Variants in ACTN1 observed in about 807,000 individuals in gnomAD.
ACTN1 encodes the protein actinin alpha 1.
In ACTN1, 30 loss-of-function variants were observed where a neutral mutation model predicts 119.6. That is an observed-to-expected ratio of 0.25 (90% confidence interval 0.19 to 0.34). The LOEUF is 0.34. ACTN1 is among the 10% of genes least tolerant of loss of function. ACTN1 has a pLI of 1.00. For synonymous variants in ACTN1, 429 were observed against 472.6 expected, an observed-to-expected ratio of 0.91 and a Z score of 1.20; for missense variants, 764 against 1,223.4, an observed-to-expected ratio of 0.62 and a Z score of 5.60.
intron 1 of ACTN1, among the ~76,000 whole-genome samples, chr14:68,954,182 T>A (rs1206541996): frequency 6.6e-6 from 1 of 152,190 alleles, no homozygotes. Flanking sequence ...TCTTCCTAAT[T>A]ATCATTTTTA....
chr14:68,918,246 G>A (rs1016001924), intron 3 of ACTN1, among the ~76,000 whole-genome samples: 20 of 152,154 alleles, frequency 1.3e-4, no homozygotes, highest in African/African-American at 4.6e-4. Flanking sequence ...AGCATGGCAG[G>A]GGCAGGCTTG....
intron 1 of ACTN1, among the ~76,000 whole-genome samples, chr14:68,976,604 G>C (rs966270983): frequency 6.6e-6 from 1 of 152,212 alleles, no homozygotes; most frequent in Non-Finnish European, 1.5e-5. Context: ...CCCAAAGCAC[G>C]TGTCGGCTCT....
At chr14:68,954,314 G>T (rs939347407) in intron 1 of ACTN1, among the ~76,000 whole-genome samples, 2 of 150,688 alleles carry the variant, frequency 1.3e-5, no homozygotes, top group Non-Finnish European at 3.0e-5. Context: ...TACACACAGA[G>T]AATTTATTTA....
chr14:68,944,701 G>A (rs1001788921), intron 1 of ACTN1, among the ~76,000 whole-genome samples: 13 of 152,106 alleles, frequency 8.5e-5, no homozygotes, highest in Non-Finnish European at 1.8e-4. Context: ...CTGCCCCAAG[G>A]GAGTCAGTGA....
chr14:68,875,117 T>C (rs775561996), intron 21 of ACTN1, 100 bp from the exon 22 acceptor site: 5 of 1,560,290 alleles, frequency 3.2e-6, no homozygotes, highest in Middle Eastern at 1.7e-4. Context: ...AGGCAGCATG[T>C]GCCGTTTGCA....
Position 68,977,472 on chromosome 14 carries a change from T to C in ACTN1, c.105+1480A>G, listed in dbSNP as rs1487934158. Reference sequence around the variant, plus strand: ...GGGACCTTCCCATGTCCGATGTAGATGACCGATGTCGCTGTATAGGGCCCA... The same window carrying C: ...GGGACCTTCCCATGTCCGATGTAGACGACCGATGTCGCTGTATAGGGCCCA... On this transcript the variant is annotated intron_variant, in intron 1 of 21. Transcript: ENST00000394419. The C allele has an allele frequency of 1.9e-5, 3 of 155,940 alleles. No homozygotes were observed. The East Asian group carries it at 5.8e-4, about 30-fold the overall frequency. The allele number at this position is 155,940 out of a possible 1,614,324, so 9.7% of individuals were successfully genotyped here. A position where few individuals can be genotyped will look rare whatever the true frequency, so the allele number is the denominator to read the frequency against.
At chr14:68,978,407 G>A (rs2037145234) in intron 1 of ACTN1, 1 of 352,246 alleles carries the variant, frequency 2.8e-6, no homozygotes, top group East Asian at 8.2e-5. Flanking sequence ...TCTCCAGGCA[G>A]ATCCGGAGGC....
At chr14:68,918,740 AAAAAG>A (rs766942081) in intron 3 of ACTN1, among the ~76,000 whole-genome samples, 23 of 152,058 alleles carry the variant, frequency 1.5e-4, no homozygotes, top group Non-Finnish European at 7.4e-5. Flanking sequence ...CTAAAAAAAA[AAAAAG>A]AAAAGAAAGT....
chr14:68,955,624 G>A (rs900731754), intron 1 of ACTN1, among the ~76,000 whole-genome samples: 3 of 152,188 alleles, frequency 2.0e-5, no homozygotes, highest in Non-Finnish European at 4.4e-5. Context: ...GTTTGCGCTC[G>A]GTGGCAGGGG....
intron 1 of ACTN1, among the ~76,000 whole-genome samples, chr14:68,957,310 G>A (rs541192965): frequency 6.2e-4 from 95 of 152,286 alleles, no homozygotes; most frequent in African/African-American, 2.2e-3. Context: ...TCCCCCAAGA[G>A]ACACCTGTGA....
Position 68,925,596 on chromosome 14 carries a change from T to G in ACTN1, c.182A>C (p.Asp61Ala). The G allele has an allele frequency of 6.2e-7, 1 of 1,613,456 alleles. No homozygotes were observed. The highest frequency in any genetic ancestry group is 8.5e-7 in the Non-Finnish European group (1 of 1,179,716). The change falls in exon 2 of 22, where the codon GAT (aspartate) becomes GCT (alanine). Residue 61 changes from aspartate (D) to alanine (A), a missense_variant. By Grantham distance (126) the Asp-to-Ala change is moderately radical (BLOSUM62 -2). Coordinates refer to ENST00000394419, the MANE Select transcript of ACTN1 (RefSeq NM_001130004.2). This position sits in a 1 kb window ranked among gnomAD's most constrained non-coding sequence, Gnocchi z 4.3. ...QIENIEEDFR[D>A]GLKLMLLLEV... ...CAGCAGCAGCATGAGCTTCAGGCCA[T>G]CCCGGAAGTCCTCTTCGATGTTCTC...
intron 1 of ACTN1, among the ~76,000 whole-genome samples, chr14:68,937,376 G>A (rs1566657133): frequency 6.6e-6 from 1 of 151,980 alleles, no homozygotes; most frequent in Non-Finnish European, 1.5e-5. Flanking sequence ...GTATTATGGA[G>A]GAGGAAAAAG....
intron 10 of ACTN1, among the ~76,000 whole-genome samples, chr14:68,891,116 T>C (rs2032441693): frequency 6.6e-6 from 1 of 152,210 alleles, no homozygotes; most frequent in Admixed American, 6.5e-5. Flanking sequence ...CATGACCCCC[T>C]GGGCTGCCGT....
chr14:68,885,764 G>A lies in ACTN1; in HGVS notation c.1235-189C>T. The stretch of plus-strand genomic sequence containing the variant: ...GAACATCCACCAACCGGCGCAACGG[G>A]GAAAAGCACTCTCCTCAGAGCACTT... On this transcript the variant is annotated intron_variant, in intron 11 of 21. Transcript: ENST00000394419. The surrounding 1 kb of genome is among the most constrained non-coding windows in gnomAD (Gnocchi z 5.6). 7 of 637,852 alleles carry A rather than the reference G, an allele frequency of 1.1e-5. No individual in the cohort carries two copies. Among genetic ancestry groups the A allele is most frequent in the Non-Finnish European group, 1.9e-5 (7 of 373,252 alleles). The allele number at this position is 637,852 out of a possible 1,614,324, so 39.5% of individuals were successfully genotyped here.
At chr14:68,881,612 C>T (rs1257605141) in intron 16 of ACTN1, among the ~76,000 whole-genome samples, 1 of 152,174 alleles carries the variant, frequency 6.6e-6, no homozygotes, top group Non-Finnish European at 1.5e-5. Context: ...GGCAGGGGTG[C>T]AGGGGAGCGA....
intron 1 of ACTN1, among the ~76,000 whole-genome samples, chr14:68,944,352 G>A (rs1416078246): frequency 1.3e-5 from 2 of 152,204 alleles, no homozygotes; most frequent in Non-Finnish European, 2.9e-5. Flanking sequence ...CCTCCCTCAC[G>A]CAGGCCACTG....
intron 1 of ACTN1, among the ~76,000 whole-genome samples, chr14:68,967,096 T>G (rs1348685403): frequency 5.3e-5 from 8 of 152,200 alleles, no homozygotes. Context: ...GCTGAGGTCA[T>G]CCTAGGCTAT....
chr14:68,979,171 G>C lies in ACTN1; in HGVS notation c.-115C>G. On this transcript the variant is annotated 5_prime_UTR_variant, in exon 1 of 22. Coordinates refer to ENST00000394419, the MANE Select transcript of ACTN1 (RefSeq NM_001130004.2). The stretch of plus-strand genomic sequence containing the variant: ...TGGGCTGGGCTGGGCTGGCGGGGCC[G>C]GGCTCGCTCCCCTGCGCCCGGTTCC... The C allele has an allele frequency of 1.6e-6, 1 of 616,654 alleles. No individual in the cohort carries two copies. Among genetic ancestry groups the C allele is most frequent in the East Asian group, 3.7e-5 (1 of 26,942 alleles). The allele number at this position is 616,654 out of a possible 1,614,324, so 38.2% of individuals were successfully genotyped here. A position where few individuals can be genotyped will look rare whatever the true frequency, so the allele number is the denominator to read the frequency against.
chr14:68,903,671 G>C (rs2033488458), intron 7 of ACTN1, among the ~76,000 whole-genome samples: 1 of 152,194 alleles, frequency 6.6e-6, no homozygotes, highest in Admixed American at 6.5e-5. Context: ...AGCACACAGG[G>C]AAGGGGCTGT....
Sources: allele counts gnomAD v4.1 joint callset (sites outside exome capture counted in the v4.1 genomes callset), GRCh38; gene constraint gnomAD v4.1.1; non-coding constraint Gnocchi (gnomAD v3.1); transcripts MANE v1.5; gene names NCBI Gene and HGNC (gene_info 2026-07-23, HGNC 2026-07-21).